The following TTC23L variants were observed in gnomAD, a reference collection of about 807,000 sequenced individuals.
The protein encoded by TTC23L is tetratricopeptide repeat protein 23-like.
TTC23L carries 42 observed loss-of-function variants against 48.1 expected under a neutral mutation model. The ratio of observed to expected loss-of-function variants is 0.87; its 90% confidence interval spans 0.68 to 1.13. TTC23L has a LOEUF of 1.13. TTC23L is among the 50% of genes most tolerant of loss of function. The pLI is 0.00. For missense variants in TTC23L, 391 were observed against 421.0 expected (o/e 0.93, Z 0.62); for synonymous variants, 159 against 157.2 (o/e 1.01, Z -0.09).
At chr5:34,915,961 C>G in the TTC23L span, 1 of 1,465,886 alleles carries the variant, frequency 6.8e-7, no homozygotes, top group Non-Finnish European at 9.0e-7. Context: ...TCTTGGGTTA[C>G]TTACTTGACT....
the TTC23L span, chr5:34,911,643 C>T: frequency 1.9e-6 from 3 of 1,614,134 alleles, no homozygotes; most frequent in Non-Finnish European, 2.5e-6. Context: ...GCCCCTCTGA[C>T]TGCAGAATAA....
At chr5:34,917,043 T>G in the TTC23L span, among the ~76,000 whole-genome samples, 1 of 151,972 alleles carries the variant, frequency 6.6e-6, no homozygotes, top group East Asian at 1.9e-4. Flanking sequence ...CCTAGTATAA[T>G]AAGATAAAGA....
downstream of TTC23L, among the ~76,000 whole-genome samples, chr5:34,900,813 C>T (rs1763490080): frequency 6.6e-6 from 1 of 152,168 alleles, no homozygotes; most frequent in South Asian, 2.1e-4. Context: ...CTTTTTTCTG[C>T]CACATGAAAT....
chr5:34,858,609 A>G (rs1415192563), intron 4 of TTC23L, among the ~76,000 whole-genome samples: 1 of 152,164 alleles, frequency 6.6e-6, no homozygotes, highest in African/African-American at 2.4e-5. Context: ...TGTATTTTAA[A>G]TAGATTGTGT....
At chr5:34,886,487 A>G (rs529057357) in intron 9 of TTC23L, among the ~76,000 whole-genome samples, 1 of 152,270 alleles carries the variant, frequency 6.6e-6, no homozygotes, top group South Asian at 2.1e-4. Flanking sequence ...ACTTTTCATA[A>G]TACGGGCAGG....
chr5:34,919,324 G>T, the TTC23L span, among the ~76,000 whole-genome samples: 1 of 149,206 alleles, frequency 6.7e-6, no homozygotes, highest in East Asian at 2.0e-4. Flanking sequence ...GAGTGGCAGC[G>T]CCATCATATG....
At chr5:34,899,816 G>A (rs554911132), downstream of TTC23L, among the ~76,000 whole-genome samples, 6 of 152,240 alleles carry the variant, frequency 3.9e-5, no homozygotes, top group African/African-American at 9.6e-5. Context: ...CACTTGAACC[G>A]GGGTCGGAGG....
At chr5:34,908,555 A>G in the TTC23L span, 44 of 463,790 alleles carry the variant, frequency 9.5e-5, no homozygotes, top group African/African-American at 7.1e-4. Context: ...TGAATAATCT[A>G]TGACTACAGG....
chr5:34,904,896 T>C, the TTC23L span, among the ~76,000 whole-genome samples: 13 of 152,344 alleles, frequency 8.5e-5, no homozygotes, highest in South Asian at 6.2e-4. Flanking sequence ...TGAAATAATT[T>C]AGTAAGTTCA....
At chr5:34,852,839 T>C (rs1759787117) in intron 4 of TTC23L, among the ~76,000 whole-genome samples, 1 of 152,136 alleles carries the variant, frequency 6.6e-6, no homozygotes, top group Admixed American at 6.6e-5. Context: ...TCATGTGGCT[T>C]GTGAGGCCTC....
rs552099938 is a variant in TTC23L, at chr5:34,897,644, C to A, written c.*97+769C>A. Among the ~76,000 whole-genome samples the A allele has an allele frequency of 1.1e-3, 166 of 152,142 alleles. 1 individual carries two copies. The highest frequency in any genetic ancestry group is 5.4e-3 in the Admixed American group (82 of 15,274). ...TGGCTGCAAATCAGTTTTTTAGAAA[C>A]CATTGTATTTTACATACCTAAAGTC... On this transcript the variant is annotated intron_variant, in intron 10 of 10. Transcript: ENST00000505624.
At chr5:34,892,662 G>A (rs1275480390) in intron 9 of TTC23L, among the ~76,000 whole-genome samples, 3 of 152,134 alleles carry the variant, frequency 2.0e-5, no homozygotes, top group Non-Finnish European at 4.4e-5. Flanking sequence ...GTAGGTTGGG[G>A]GATGGGTTGC....
At chr5:34,911,702 C>A in the TTC23L span, 1 of 1,614,158 alleles carries the variant, frequency 6.2e-7, no homozygotes, top group Non-Finnish European at 8.5e-7. Context: ...AGGGTCTCCT[C>A]AGGTTCCTGT....
chr5:34,915,928 C>CG, the TTC23L span: 1 of 1,508,402 alleles, frequency 6.6e-7, no homozygotes, highest in African/African-American at 1.4e-5. Context: ...GCTACACCTG[C>CG]GGCGGCGGCT....
exon 7 of TTC23L, chr5:34,866,963 C>T: frequency 6.2e-7 from 1 of 1,610,556 alleles, no homozygotes; most frequent in Admixed American, 1.7e-5. Flanking sequence ...GATGTTATTG[C>T]TGCCAAGGGT....
the TTC23L span, chr5:34,916,201 G>A: frequency 4.1e-6 from 1 of 242,404 alleles, no homozygotes; most frequent in Middle Eastern, 1.3e-3. Context: ...TTTTTTTAAT[G>A]TTTTTGGAGA....
chr5:34,881,959 T>A (rs921010322), intron 9 of TTC23L, among the ~76,000 whole-genome samples: 1 of 151,956 alleles, frequency 6.6e-6, no homozygotes, highest in African/African-American at 2.4e-5. Context: ...TTTAATCCTG[T>A]TGGTCAGGCT....
the TTC23L span, chr5:34,923,232 C>G: frequency 6.3e-7 from 1 of 1,597,554 alleles, no homozygotes; most frequent in Non-Finnish European, 8.6e-7. Context: ...TCGGAACTTT[C>G]AGGTAAGCTT....
intron 8 of TTC23L, 159 bp downstream of exon 8, chr5:34,869,172 C>A (rs974809803): frequency 3.4e-6 from 2 of 580,178 alleles, no homozygotes. Context: ...TTAATTTAAA[C>A]CTGATAATAT....
Sources: allele counts gnomAD v4.1 joint callset (sites outside exome capture counted in the v4.1 genomes callset), GRCh38; gene constraint gnomAD v4.1.1; transcripts MANE v1.5; gene names NCBI Gene and HGNC (gene_info 2026-07-23, HGNC 2026-07-21).